Variants in F10 observed in about 807,000 individuals in gnomAD.
F10 encodes the protein coagulation factor X.
F10 carries 29 observed loss-of-function variants against 37.1 expected under a neutral mutation model. That is an observed-to-expected ratio of 0.78 (90% CI 0.58 to 1.07). The LOEUF is 1.07. Ranked by LOEUF, F10 falls within the 50% of genes least tolerant of loss-of-function variation. The probability of loss-of-function intolerance (pLI) is 0.00; values close to 1 mark genes in which losing one functional copy is unlikely to be tolerated. For missense variants in F10, 539 were observed against 667.9 expected, an observed-to-expected ratio of 0.81 and a Z score of 2.13; for synonymous variants, 262 against 268.6, an observed-to-expected ratio of 0.98 and a Z score of 0.24.
At chr13:113,135,797 G>A (rs1363619461) in intron 2 of F10, among the ~76,000 whole-genome samples, 1 of 152,010 alleles carries the variant, frequency 6.6e-6, no homozygotes, top group African/African-American at 2.4e-5. Context: ...AAACTTTTAG[G>A]AGAAAATACA....
At position 113,146,744 on chromosome 13, in the gene F10, C is replaced by T. The variant is rs760527246; in HGVS notation, c.748-635C>T. On this transcript the variant is annotated intron_variant, in intron 6 of 7. Transcript: ENST00000375559. This position sits in a 1 kb window ranked among gnomAD's most constrained non-coding sequence, Gnocchi z 4.5. Reference sequence around the variant, plus strand: ...CATGTGCCCAGCCACTATCACAGGACGGGAAACTCCCCAGAGAAAAGAAAA... The same window carrying T: ...CATGTGCCCAGCCACTATCACAGGATGGGAAACTCCCCAGAGAAAAGAAAA... Among the ~76,000 whole-genome samples the T allele has an allele frequency of 2.0e-5, 3 of 152,196 alleles. No individual in the cohort carries two copies. Among genetic ancestry groups the T allele is most frequent in the Non-Finnish European group, 4.4e-5 (3 of 68,018 alleles).
At chr13:113,136,345 TAC>T (rs764927248) in intron 2 of F10, among the ~76,000 whole-genome samples, 2 of 152,194 alleles carry the variant, frequency 1.3e-5, no homozygotes, top group Non-Finnish European at 2.9e-5. Context: ...TATATAAGGT[TAC>T]CACAGGACTC....
rs1269695198 is a variant in F10 at position 113,136,851 on chromosome 13, CGTTTTAGCTGGG to C, written c.232-1605_232-1594del. On this transcript the variant is annotated intron_variant, in intron 2 of 7. Transcript: ENST00000375559. ...ATTTTTAGTAGAGACGGGGTTTCACCGTTTTAGCTGGGATGGTCTCGATCTCCTGACCTCGTG... is the reference window on the plus strand; with the variant it reads ...ATTTTTAGTAGAGACGGGGTTTCACCATGGTCTCGATCTCCTGACCTCGTG... Among the ~76,000 whole-genome samples the C allele has an allele frequency of 6.9e-3, 307 of 44,462 alleles. 134 individuals are homozygous for C. The highest frequency in any genetic ancestry group is 0.011 in the Non-Finnish European group (198 of 17,256). The allele number at this position is 44,462 out of a possible 152,430, so 29.2% of individuals were successfully genotyped here.
Position 113,143,713 on chromosome 13 carries a change from C to CAGAAG in F10, c.503-138_503-137insAGAAG. 1.6e-6 allele frequency: 2 copies of CAGAAG among 1,276,698 alleles called. No homozygotes were observed. Among genetic ancestry groups the CAGAAG allele is most frequent in the South Asian group, 1.6e-5 (1 of 63,538 alleles). The allele number at this position is 1,276,698 out of a possible 1,614,324, so 79.1% of individuals were successfully genotyped here. A position where few individuals can be genotyped will look rare whatever the true frequency, so the allele number is the denominator to read the frequency against. ...CCCTGCCGACGACGTGGGGCCTCGC[C>CAGAAG]CTGCAAGCCCGCTGCCCCTCCGGGT... On this transcript the variant is annotated intron_variant, in intron 5 of 7. Coordinates refer to ENST00000375559, the MANE Select transcript of F10 (RefSeq NM_000504.4). This position sits in a 1 kb window ranked among gnomAD's most constrained non-coding sequence, Gnocchi z 6.8.
chr13:113,144,161 G>A lies in F10; in HGVS notation c.747+66G>A. 1 of 1,606,956 alleles carries A rather than the reference G, an allele frequency of 6.2e-7. No homozygotes were observed. Among genetic ancestry groups the A allele is most frequent in the Non-Finnish European group, 8.5e-7 (1 of 1,178,012 alleles). The stretch of plus-strand genomic sequence containing the variant: ...CCTGTCCCGCTGTGCACCTCGGGGA[G>A]GCCAGCCTGACACTTGGAATAGCAA... On this transcript the variant is annotated intron_variant, in intron 6 of 7. Transcript: ENST00000375559. The surrounding 1 kb of genome is among the most constrained non-coding windows in gnomAD (Gnocchi z 6.4).
At chr13:113,127,117 C>T (rs1457079675) in intron 1 of F10, among the ~76,000 whole-genome samples, 1 of 152,180 alleles carries the variant, frequency 6.6e-6, no homozygotes, top group Non-Finnish European at 1.5e-5. Context: ...TACTAAGCAC[C>T]TTCTGTATAC....
Position 113,148,345 on chromosome 13 carries a change from A to AAAATATATATATATATATAT in F10, c.866-570_866-569insAATATATATATATATATATA, listed in dbSNP as rs1300922846. Among the ~76,000 whole-genome samples the AAAATATATATATATATATAT allele has an allele frequency of 4.2e-5, 4 of 95,402 alleles. No homozygotes were observed. The East Asian group carries it at 1.3e-3, about 31-fold the overall frequency. 62.6% of individuals were successfully genotyped at this position (95,402 alleles called of 152,430 possible). A position where few individuals can be genotyped will look rare whatever the true frequency, so the allele number is the denominator to read the frequency against. ...AACTCTGTCTCAAAAAAAAAAAAAA[A>AAAATATATATATATATATAT]ATATATATATATATATATGTATATA... is the stretch of plus-strand genomic sequence containing the variant. On this transcript the variant is annotated intron_variant, in intron 7 of 7. Coordinates refer to ENST00000375559, the MANE Select transcript of F10 (RefSeq NM_000504.4).
chr13:113,140,740 C>T (rs2036519770), intron 4 of F10, 179 bp from the exon 5 acceptor site: 5 of 878,408 alleles, frequency 5.7e-6, no homozygotes, highest in South Asian at 5.5e-5. Flanking sequence ...CCATGAGCTC[C>T]CCGTGACCCG....
chr13:113,142,825 G>A (rs545321557), intron 5 of F10, among the ~76,000 whole-genome samples: 37 of 151,812 alleles, frequency 2.4e-4, no homozygotes, highest in Non-Finnish European at 4.6e-4. Flanking sequence ...CCAGCTACTC[G>A]GGAGGCTGAG....
rs575467863 is a variant in F10 at position 113,140,838 on chromosome 13, T to G, written c.371-81T>G. 5.2e-5 allele frequency: 84 copies of G among 1,606,616 alleles called. No homozygotes were observed. In the East Asian group the frequency reaches 1.9e-3, roughly 36 times the overall value. On this transcript the variant is annotated intron_variant, in intron 4 of 7. Transcript: ENST00000375559. ...GGCCGCTTTGTGGCTGACAGGCAAGTGGATGTAGCTGGCACCCTTGGGCCA... is the reference window on the plus strand; with the variant it reads ...GGCCGCTTTGTGGCTGACAGGCAAGGGGATGTAGCTGGCACCCTTGGGCCA...
In F10 at chr13:113,147,229, A is replaced by C. The variant is rs1470279626; in HGVS notation, c.748-150A>C. 4 of 686,780 alleles carry C rather than the reference A, an allele frequency of 5.8e-6. No homozygotes were observed. The African/African-American group carries it at 7.0e-5, about 12-fold the overall frequency. The allele number at this position is 686,780 out of a possible 1,614,324, so 42.5% of individuals were successfully genotyped here. ...GCACAGGCAGAGAAAAGAGACAGAC[A>C]AGGAACTGTCCTTGGGTGGATGGCA... On this transcript the variant is annotated intron_variant, in intron 6 of 7. Coordinates refer to ENST00000375559, the MANE Select transcript of F10 (RefSeq NM_000504.4).
At chr13:113,130,276 T>C (rs939767348) in intron 2 of F10, 8 of 155,302 alleles carry the variant, frequency 5.2e-5, no homozygotes, top group Non-Finnish European at 1.1e-4. Context: ...AGGAGAGCAA[T>C]GCCACCAGGC....
intron 1 of F10, among the ~76,000 whole-genome samples, chr13:113,125,220 C>T (rs1423656864): frequency 5.9e-5 from 9 of 152,180 alleles, no homozygotes; most frequent in Non-Finnish European, 1.0e-4. Flanking sequence ...AATCAGAATA[C>T]GCAGAGCACC....
Position 113,143,739 on chromosome 13 carries a change from G to GGT in F10, c.503-112_503-111insGT. ...CTGCAAGCCCGCTGCCCCTCCGGGT[G>GGT]CCCCTGCGCTCTGCCTCCCGGCTCT... On this transcript the variant is annotated intron_variant, in intron 5 of 7. Coordinates refer to ENST00000375559, the MANE Select transcript of F10 (RefSeq NM_000504.4). The surrounding 1 kb of genome is among the most constrained non-coding windows in gnomAD (Gnocchi z 6.8). 5 of 1,475,350 alleles carry GGT rather than the reference G, an allele frequency of 3.4e-6. No individual in the cohort carries two copies. The highest frequency in any genetic ancestry group is 2.4e-5 in the East Asian group (1 of 41,080). 91.4% of individuals were successfully genotyped at this position (1,475,350 alleles called of 1,614,324 possible).
rs1297848370 is a variant in F10 at position 113,143,946 on chromosome 13, T to C, written c.598T>C (p.Trp200Arg). 3.1e-6 allele frequency: 5 copies of C among 1,613,274 alleles called. No homozygotes were observed. Among genetic ancestry groups the C allele is most frequent in the Non-Finnish European group, 4.2e-6 (5 of 1,179,926 alleles). Residue 200 changes from tryptophan (W) to arginine (R), a missense_variant, in exon 6 of 8, where the codon TGG becomes CGG. Trp to Arg is a moderately radical substitution (Grantham distance 101). Transcript: ENST00000375559. The surrounding 1 kb of genome is among the most constrained non-coding windows in gnomAD (Gnocchi z 6.8). Reference protein sequence around the residue: ...SSGEAPDSITWKPYDAADLDP... With the variant: ...SSGEAPDSITRKPYDAADLDP... ...CGGGGAGGCCCCTGACAGCATCACA[T>C]GGAAGCCATATGATGCAGCCGACCT... is the stretch of plus-strand genomic sequence containing the variant.
intron 6 of F10, among the ~76,000 whole-genome samples, chr13:113,145,305 T>G (rs1042050192): frequency 6.6e-6 from 1 of 152,204 alleles, no homozygotes; most frequent in African/African-American, 2.4e-5. Flanking sequence ...GAGTTACAGG[T>G]GTGAGCCACT....
rs1162217860 is a variant in F10, at chr13:113,144,127, G to A, written c.747+32G>A. On this transcript the variant is annotated intron_variant, in intron 6 of 7. Transcript: ENST00000375559. This position sits in a 1 kb window ranked among gnomAD's most constrained non-coding sequence, Gnocchi z 6.4. ...GTAGGATGTCCCCTCGGGCCTGCTG[G>A]AGAGACCACCTGTCCCGCTGTGCAC... 1 of 1,612,410 alleles carries A rather than the reference G, an allele frequency of 6.2e-7. No homozygotes were observed. The highest frequency in any genetic ancestry group is 8.5e-7 in the Non-Finnish European group (1 of 1,179,948).
At chr13:113,129,343 C>G in intron 1 of F10, 109 bp from the exon 2 acceptor site, 1 of 1,416,788 alleles carries the variant, frequency 7.1e-7, no homozygotes, top group East Asian at 2.3e-5. Context: ...AGTGATCCGC[C>G]TTTTGTGATC....
chr13:113,139,381 C>T lies in F10; in HGVS notation c.281C>T (p.Pro94Leu). The T allele has an allele frequency of 6.2e-7, 1 of 1,613,848 alleles. No individual in the cohort carries two copies. The highest frequency in any genetic ancestry group is 8.5e-7 in the Non-Finnish European group (1 of 1,179,844). Residue 94 changes from proline (P) to leucine (L), a missense_variant, in exon 4 of 8, where the codon CCT becomes CTT. By Grantham distance (98) the Pro-to-Leu change is moderately conservative (BLOSUM62 -3). This residue lies in a region of F10 where 409 missense variants were observed against 547.9 expected (regional missense o/e 0.75). Coordinates refer to ENST00000375559, the MANE Select transcript of F10 (RefSeq NM_000504.4). This position sits in a 1 kb window ranked among gnomAD's most constrained non-coding sequence, Gnocchi z 5.2. ...GATGGCGACCAGTGTGAGACCAGTC[C>T]TTGCCAGAACCAGGGCAAATGTAAA... ...YKDGDQCETSPCQNQGKCKDG... is the reference protein window; with the variant it reads ...YKDGDQCETSLCQNQGKCKDG...
Sources: gnomAD v4.1 joint callset for allele counts (sites outside exome capture counted in the v4.1 genomes callset) on GRCh38, gnomAD v4.1.1 for gene constraint, gnomAD v4.1.1 regional missense constraint, Gnocchi (gnomAD v3.1) non-coding constraint, MANE v1.5 for transcripts, NCBI Gene and HGNC (gene_info 2026-07-23, HGNC 2026-07-21) for gene names.